Variants in YAF2 observed in about 807,000 individuals in gnomAD.
YAF2 encodes the protein YY1-associated factor 2.
Under a neutral mutation model 20.1 loss-of-function variants are expected in YAF2, and 7 were observed. The ratio of observed to expected loss-of-function variants is 0.35; its 90% CI spans 0.20 to 0.65. The LOEUF (loss-of-function observed/expected upper bound fraction) is 0.65. YAF2 is among the 30% of genes least tolerant of loss of function. The pLI is 0.69. For missense variants in YAF2, 151 were observed against 219.2 expected, an observed-to-expected ratio of 0.69 and a Z score of 1.96; for synonymous variants, 74 against 76.0, an observed-to-expected ratio of 0.97 and a Z score of 0.14.
At chr12:42,188,790 C>T (rs1175243209) in intron 2 of YAF2, among the ~76,000 whole-genome samples, 1 of 151,750 alleles carries the variant, frequency 6.6e-6, no homozygotes, top group African/African-American at 2.4e-5. Flanking sequence ...ACTGTTGAGA[C>T]GCTATTCACT....
chr12:42,165,349 G>T (rs73127435), intron 2 of YAF2, among the ~76,000 whole-genome samples: 3 of 152,064 alleles, frequency 2.0e-5, no homozygotes, highest in African/African-American at 7.2e-5. Flanking sequence ...ACAATGAAAC[G>T]ACTTCATTAA....
intron 2 of YAF2, among the ~76,000 whole-genome samples, chr12:42,226,889 G>A (rs61940231): frequency 0.24 from 34,952 of 148,200 alleles, 4,278 homozygotes; most frequent in Admixed American, 0.3. Context: ...CGAAGGCGCC[G>A]CGGGCTGGGG....
intron 2 of YAF2, among the ~76,000 whole-genome samples, chr12:42,236,334 C>A (rs2068155240): frequency 6.6e-6 from 1 of 152,026 alleles, no homozygotes; most frequent in African/African-American, 2.4e-5. Flanking sequence ...TACTTTTTTT[C>A]TTTTTGGAAT....
At chr12:42,228,760 G>A (rs1322763762) in intron 2 of YAF2, among the ~76,000 whole-genome samples, 1 of 66,376 alleles carries the variant, frequency 1.5e-5, no homozygotes, top group Non-Finnish European at 2.7e-5. Context: ...CCCTCTGCCC[G>A]GCCAGCCGCC....
intron 2 of YAF2, among the ~76,000 whole-genome samples, chr12:42,176,870 G>A (rs1268434598): frequency 2.6e-5 from 4 of 152,178 alleles, no homozygotes; most frequent in African/African-American, 4.8e-5. Flanking sequence ...GGGAGGCTAA[G>A]GCAGGAGAAT....
rs546340357 is a variant in YAF2 at position 42,184,304 on chromosome 12, CTT to C, written c.153-22541_153-22540del. Among the ~76,000 whole-genome samples the C allele has an allele frequency of 1.6e-4, 25 of 152,068 alleles. No homozygotes were observed. In the South Asian group the frequency reaches 5.0e-3, roughly 30 times the overall value. The stretch of plus-strand genomic sequence containing the variant: ...CCAGGAGTAATTTCAACTTTAAAGA[CTT>C]ATTATTATTATTACTGTTTTTGAGA... On this transcript the variant is annotated intron_variant, in intron 2 of 3. Coordinates refer to ENST00000534854, the MANE Select transcript of YAF2 (RefSeq NM_005748.6).
chr12:42,179,106 AT>A (rs1355471945), intron 2 of YAF2, among the ~76,000 whole-genome samples: 1 of 152,130 alleles, frequency 6.6e-6, no homozygotes, highest in Non-Finnish European at 1.5e-5. Flanking sequence ...TAAGAACTTG[AT>A]TTACTTAGAC....
chr12:42,162,509 A>G lies in YAF2; in HGVS notation c.153-744T>C, dbSNP rs560574481. ...CAACTGAGGTTAAGGTTCAAAATACAGTCTCTAAGTTCTTAAGAGAGAAAG... is the reference window on the plus strand; with the variant it reads ...CAACTGAGGTTAAGGTTCAAAATACGGTCTCTAAGTTCTTAAGAGAGAAAG... On this transcript the variant is annotated intron_variant, in intron 2 of 3. Coordinates refer to ENST00000534854, the MANE Select transcript of YAF2 (RefSeq NM_005748.6). 3.9e-5 allele frequency among the ~76,000 whole-genome samples: 6 copies of G among 152,278 alleles called. No homozygotes were observed. In the South Asian group the frequency reaches 1.0e-3, roughly 26 times the overall value.
intron 2 of YAF2, among the ~76,000 whole-genome samples, chr12:42,183,968 GA>G (rs1332013860): frequency 6.6e-6 from 1 of 152,138 alleles, no homozygotes; most frequent in Non-Finnish European, 1.5e-5. Context: ...TAGACCCTTT[GA>G]AATTATGCTA....
At chr12:42,197,138 A>T (rs2066774168) in intron 2 of YAF2, among the ~76,000 whole-genome samples, 2 of 152,252 alleles carry the variant, frequency 1.3e-5, no homozygotes, top group Non-Finnish European at 2.9e-5. Flanking sequence ...CAGAAAATAC[A>T]AGTAAGAAAA....
At chr12:42,165,730 C>T (rs1445825555) in intron 2 of YAF2, among the ~76,000 whole-genome samples, 4 of 150,300 alleles carry the variant, frequency 2.7e-5, no homozygotes, top group South Asian at 2.1e-4. Flanking sequence ...CTCAGCCTCC[C>T]AAAGTGCTGG....
At chr12:42,179,028 G>A (rs1381397451) in intron 2 of YAF2, among the ~76,000 whole-genome samples, 1 of 152,080 alleles carries the variant, frequency 6.6e-6, no homozygotes, top group African/African-American at 2.4e-5. Context: ...ACTCCAGCCT[G>A]TGAAACAAAG....
intron 2 of YAF2, chr12:42,235,527 G>A (rs1014751229): frequency 7.6e-7 from 1 of 1,324,278 alleles, no homozygotes; most frequent in Admixed American, 3.2e-5. Flanking sequence ...AGAGCTCTTA[G>A]GTTTAACTTA....
At chr12:42,163,738 A>G (rs1263040120) in intron 2 of YAF2, among the ~76,000 whole-genome samples, 4 of 152,246 alleles carry the variant, frequency 2.6e-5, no homozygotes, top group African/African-American at 4.8e-5. Context: ...ATATAGTTCA[A>G]TTATTCAAAT....
chr12:42,201,521 C>T (rs1176441390), intron 2 of YAF2, among the ~76,000 whole-genome samples: 2 of 151,786 alleles, frequency 1.3e-5, no homozygotes, highest in African/African-American at 4.9e-5. Context: ...ATATTAAAGA[C>T]ATTGTGTGTG....
intron 2 of YAF2, among the ~76,000 whole-genome samples, chr12:42,184,006 T>G (rs1378965506): frequency 6.6e-6 from 1 of 152,202 alleles, no homozygotes; most frequent in Non-Finnish European, 1.5e-5. Flanking sequence ...GCTCTATAAA[T>G]GAAACAACAA....
At chr12:42,237,852 C>T in intron 1 of YAF2, 128 bp from the exon 2 acceptor site, 4 of 824,378 alleles carry the variant, frequency 4.9e-6, no homozygotes, top group Non-Finnish European at 5.9e-6. Context: ...CGCGGGCCCT[C>T]GGCGCGCCGC....
chr12:42,208,441 A>G (rs2067114401), intron 2 of YAF2, among the ~76,000 whole-genome samples: 3 of 152,136 alleles, frequency 2.0e-5, no homozygotes, highest in African/African-American at 7.2e-5. Context: ...ATTTTAAAAA[A>G]TAAAAATTAA....
At chr12:42,204,549 T>G (rs978653618) in intron 2 of YAF2, among the ~76,000 whole-genome samples, 1 of 152,208 alleles carries the variant, frequency 6.6e-6, no homozygotes, top group Non-Finnish European at 1.5e-5. Context: ...ATGCAAATAC[T>G]GTGGCATTTT....
Sources: gnomAD v4.1 joint callset for allele counts (sites outside exome capture counted in the v4.1 genomes callset) on GRCh38, gnomAD v4.1.1 for gene constraint, MANE v1.5 for transcripts, NCBI Gene and HGNC (gene_info 2026-07-23, HGNC 2026-07-21) for gene names.